The following PKD1L3 variants were observed in gnomAD, a reference collection of about 807,000 sequenced individuals.
PKD1L3 encodes the protein polycystin-1-like protein 3.
A neutral mutation model predicts 184.1 loss-of-function variants in PKD1L3; 239 were observed. The ratio of observed to expected loss-of-function variants is 1.30; its 90% confidence interval spans 1.17 to 1.45. The LOEUF is 1.45. Among genes scored for constraint, PKD1L3 ranks in the 40% most tolerant of loss-of-function variants. The probability of loss-of-function intolerance (pLI) is 0.00; values close to 1 mark genes in which losing one functional copy is unlikely to be tolerated. For missense variants in PKD1L3, 2,660 were observed against 2,067.2 expected (o/e 1.29, Z -5.56); for synonymous variants, 996 against 778.8 (o/e 1.28, Z -4.64).
At chr16:71,948,419 C>T (rs1567502287) in intron 21 of PKD1L3, among the ~76,000 whole-genome samples, 7 of 152,120 alleles carry the variant, frequency 4.6e-5, no homozygotes. Context: ...CAGGGTTTCA[C>T]TGTGTTGACC....
chr16:71,989,984 A>G (rs562909295), intron 4 of PKD1L3, among the ~76,000 whole-genome samples: 15 of 151,642 alleles, frequency 9.9e-5, no homozygotes, highest in Admixed American at 1.3e-4. Context: ...CTGAGGCAGG[A>G]GAATCACTTG....
At chr16:71,971,676 A>G (rs1248754252) in intron 12 of PKD1L3, among the ~76,000 whole-genome samples, 1 of 152,234 alleles carries the variant, frequency 6.6e-6, no homozygotes, top group Non-Finnish European at 1.5e-5. Flanking sequence ...GAAGCTTGTT[A>G]GAAAGGCCTG....
chr16:71,937,537 A>C (rs2038222779), intron 24 of PKD1L3, 118 bp from the exon 25 acceptor site: 4 of 1,114,518 alleles, frequency 3.6e-6, no homozygotes, highest in Non-Finnish European at 5.0e-6. Flanking sequence ...TCTGAGTCTC[A>C]GTGCTCCACT....
At chr16:71,967,038 T>G (rs2039524992) in intron 15 of PKD1L3, 99 bp downstream of exon 15, 2 of 1,290,434 alleles carry the variant, frequency 1.5e-6, no homozygotes, top group Non-Finnish European at 2.1e-6. Flanking sequence ...TTGTTACTAT[T>G]TGGCTCAAAG....
At chr16:71,987,640 G>T (rs2040425654) in intron 4 of PKD1L3, among the ~76,000 whole-genome samples, 1 of 152,052 alleles carries the variant, frequency 6.6e-6, no homozygotes, top group South Asian at 2.1e-4. Flanking sequence ...CTCCCAAAGT[G>T]CTGGGATTAC....
Position 71,982,094 on chromosome 16 carries a change from C to T in PKD1L3, c.1108G>A (p.Gly370Arg), listed in dbSNP as rs1365947282. ...SLNNVTKAGE[G>R]SWLESKRHTE... ...TGACGCTTGGATTCCAGCCAACTTC[C>T]TTCTCCAGCTTTGGTGACATTGTTG... The change falls in exon 7 of 30, where the codon GGA becomes AGA. Residue 370 changes from glycine (G) to arginine (R), a missense_variant. Transcript: ENST00000620267. 6.4e-7 allele frequency: 1 copy of T among 1,550,540 alleles called. No individual in the cohort carries two copies. The highest frequency in any genetic ancestry group is 8.7e-7 in the Non-Finnish European group (1 of 1,146,654).
intron 3 of PKD1L3, among the ~76,000 whole-genome samples, chr16:71,992,291 T>A (rs9939911): frequency 0.25 from 37,864 of 152,128 alleles, 5,660 homozygotes; most frequent in African/African-American, 0.42. Flanking sequence ...TTTTAAAAAG[T>A]ATTCCTGGGG....
At chr16:71,972,767 G>C (rs1489843228) in intron 12 of PKD1L3, among the ~76,000 whole-genome samples, 1 of 152,092 alleles carries the variant, frequency 6.6e-6, no homozygotes, top group Non-Finnish European at 1.5e-5. Context: ...TTGCTGATTT[G>C]CAAGACCTTA....
intron 18 of PKD1L3, among the ~76,000 whole-genome samples, chr16:71,952,526 C>T (rs1326565843): frequency 1.4e-5 from 2 of 147,526 alleles, no homozygotes; most frequent in African/African-American, 2.5e-5. Context: ...GCTGGGAGCA[C>T]GTAATTTATC....
chr16:71,980,168 A>C, intron 7 of PKD1L3, 34 bp from the exon 8 acceptor site: 1 of 1,545,708 alleles, frequency 6.5e-7, no homozygotes, highest in Non-Finnish European at 8.8e-7. Context: ...GTGACTTGTA[A>C]AACCTCAGTG....
In PKD1L3 at chr16:71,970,341, T is replaced by C. The variant is rs191987015; in HGVS notation, c.1954-236A>G. 2.8e-3 allele frequency among the ~76,000 whole-genome samples: 419 copies of C among 152,280 alleles called. 1 individual carries two copies. Among genetic ancestry groups the C allele is most frequent in the Non-Finnish European group, 3.7e-3 (250 of 68,020 alleles). On this transcript the variant is annotated intron_variant, in intron 12 of 29. Transcript: ENST00000620267. ...ATTCCAGTTCTGAGTGTATACATGT[T>C]CTAGGGGAACTGTGCACATGTGTAT...
rs1402493161 is a variant in PKD1L3 at position 71,930,184 on chromosome 16, C to G, written c.4927-1G>C. ...CCAGGACTGGGTCTAAAGCGAAAAC[C>G]TGGGAAAACAATAAGAACACTTGCA... On this transcript the variant is annotated splice_acceptor_variant, in intron 28 of 29. Transcript: ENST00000620267. LOFTEE classifies it high-confidence loss of function. 6.5e-7 allele frequency: 1 copy of G among 1,539,586 alleles called. No individual in the cohort carries two copies. Among genetic ancestry groups the G allele is most frequent in the Admixed American group, 2.1e-5 (1 of 47,084 alleles).
In PKD1L3 at chr16:71,944,123, C is replaced by T. The variant is rs1484299957; in HGVS notation, c.3766G>A (p.Val1256Ile). The T allele has an allele frequency of 1.5e-5, 24 of 1,551,254 alleles. No homozygotes were observed. The highest frequency in any genetic ancestry group is 5.9e-5 in the South Asian group (5 of 84,044). The change falls in exon 23 of 30, where the codon GTC (valine) becomes ATC (isoleucine). Residue 1256 changes from valine (V) to isoleucine (I), a missense_variant. By Grantham distance (29) the Val-to-Ile change is conservative. Coordinates refer to ENST00000620267, the MANE Select transcript of PKD1L3 (RefSeq NM_181536.2). The stretch of plus-strand genomic sequence containing the variant: ...CTATTTATAGCTGGGGCTACATAGA[C>T]GGGGTTGTTCTTATCTCTTGAACCT... ...VPGSRDKNNPVYVAPAINSPT... is the reference protein window; with the variant it reads ...VPGSRDKNNPIYVAPAINSPT...
At chr16:71,929,882 G>T in intron 29 of PKD1L3, 170 bp downstream of exon 29, 1 of 1,002,696 alleles carries the variant, frequency 1.0e-6, no homozygotes, top group Non-Finnish European at 1.4e-6. Context: ...ATATTATGTA[G>T]TCTTATAAAT....
rs972480674 is a variant in PKD1L3 at position 71,944,547 on chromosome 16, G to C, written c.3719-377C>G. 5.3e-5 allele frequency among the ~76,000 whole-genome samples: 8 copies of C among 152,124 alleles called. No individual in the cohort carries two copies. The East Asian group carries it at 1.3e-3, about 26-fold the overall frequency. ...AAAAATAAAAAATTAGCCAGGCATA[G>C]TGGCTCATGCCTGTGGTCCCGGCTA... is the stretch of plus-strand genomic sequence containing the variant. On this transcript the variant is annotated intron_variant, in intron 22 of 29. Coordinates refer to ENST00000620267, the MANE Select transcript of PKD1L3 (RefSeq NM_181536.2).
intron 22 of PKD1L3, among the ~76,000 whole-genome samples, chr16:71,944,700 T>TG (rs1491420487): frequency 5.8e-5 from 4 of 68,766 alleles, no homozygotes. Context: ...ATCTGTTTTT[T>TG]GTTTGTTTTT....
At chr16:71,995,200 C>T (rs1027828424) in intron 2 of PKD1L3, among the ~76,000 whole-genome samples, 3 of 152,112 alleles carry the variant, frequency 2.0e-5, no homozygotes, top group African/African-American at 7.2e-5. Flanking sequence ...GAGAAGCCCT[C>T]CCTCTGCCAA....
Position 71,954,079 on chromosome 16 carries a change from C to T in PKD1L3, c.2809+26G>A, listed in dbSNP as rs1186183253. On this transcript the variant is annotated intron_variant, in intron 17 of 29. Transcript: ENST00000620267. ...AAAAAAAAGGATTGCTTACTACAAA[C>T]AACACACATCAGGGCTCATCCATAC... 4.1e-6 allele frequency: 6 copies of T among 1,455,458 alleles called. No homozygotes were observed. The East Asian group carries it at 1.1e-4, about 26-fold the overall frequency. 90.2% of individuals were successfully genotyped at this position (1,455,458 alleles called of 1,614,324 possible).
chr16:71,980,732 G>A (rs2040116561), intron 7 of PKD1L3, among the ~76,000 whole-genome samples: 1 of 152,150 alleles, frequency 6.6e-6, no homozygotes. Flanking sequence ...CTACTTGGGA[G>A]GCTGAGGTGG....
Sources: allele counts gnomAD v4.1 joint callset (sites outside exome capture counted in the v4.1 genomes callset), GRCh38; gene constraint gnomAD v4.1.1; transcripts MANE v1.5; gene names NCBI Gene and HGNC (gene_info 2026-07-23, HGNC 2026-07-21).